PBX1: variants seen among roughly 807,000 people sequenced by gnomAD.
The protein encoded by PBX1 is PBX homeobox 1, also known as pre-B-cell leukemia transcription factor 1.
A neutral mutation model predicts 53.4 loss-of-function variants in PBX1; 6 were observed. The observed-to-expected ratio is 0.11, with a 90% CI of 0.06 to 0.22. The LOEUF (loss-of-function observed/expected upper bound fraction) is 0.22, where lower values mean the gene tolerates loss of function less well. PBX1 is among the 10% of genes least tolerant of loss of function. The pLI is 1.00. For missense variants in PBX1, 251 were observed against 551.4 expected (o/e 0.46, Z 5.46); for synonymous variants, 204 against 212.3 (o/e 0.96, Z 0.34).
At chr1:164,661,424 G>GTTT (rs60440122) in intron 2 of PBX1, among the ~76,000 whole-genome samples, 15 of 127,990 alleles carry the variant, frequency 1.2e-4, no homozygotes, top group Non-Finnish European at 9.8e-5. Flanking sequence ...CTGTAAGCCA[G>GTTT]TTTTTTTTTT....
chr1:164,779,850 T>C (rs1359320180), intron 2 of PBX1, among the ~76,000 whole-genome samples: 1 of 152,138 alleles, frequency 6.6e-6, no homozygotes, highest in Non-Finnish European at 1.5e-5. Flanking sequence ...AGAGCAGATA[T>C]CACATGGGTT....
At chr1:164,863,653 T>A (rs1435253790) in intron 2 of PBX1, among the ~76,000 whole-genome samples, 2 of 152,218 alleles carry the variant, frequency 1.3e-5, no homozygotes, top group African/African-American at 4.8e-5. Context: ...CCTCTCAGGC[T>A]ATAAACTGAC....
intron 2 of PBX1, among the ~76,000 whole-genome samples, chr1:164,747,919 T>A (rs1220552972): frequency 1.3e-5 from 2 of 152,114 alleles, no homozygotes; most frequent in Non-Finnish European, 1.5e-5. Context: ...CAACATTTTT[T>A]AATCCACCTC....
At chr1:164,701,446 T>C (rs2102049497) in intron 2 of PBX1, among the ~76,000 whole-genome samples, 1 of 152,306 alleles carries the variant, frequency 6.6e-6, no homozygotes, top group Middle Eastern at 3.4e-3. Flanking sequence ...AGCTCAGTAA[T>C]TCCAAGAATA....
intron 2 of PBX1, among the ~76,000 whole-genome samples, chr1:164,878,942 C>T (rs193191039): frequency 2.2e-4 from 34 of 152,270 alleles, no homozygotes; most frequent in Admixed American, 1.7e-3. Flanking sequence ...TTTCTGGAAG[C>T]ATAGGAGAAA....
chr1:164,647,339 G>A (rs1659515196), intron 2 of PBX1, among the ~76,000 whole-genome samples: 1 of 152,114 alleles, frequency 6.6e-6, no homozygotes. Flanking sequence ...GAAGAGCACG[G>A]CAGTCCGGAC....
At chr1:164,740,754 A>G in intron 2 of PBX1, among the ~76,000 whole-genome samples, 1 of 152,218 alleles carries the variant, frequency 6.6e-6, no homozygotes, top group East Asian at 1.9e-4. Context: ...CAGTTGGTGT[A>G]GAAGACAGAT....
At chr1:164,816,586 T>C (rs1037295824) in intron 6 of PBX1, 1 of 152,144 alleles carries the variant, frequency 6.6e-6, no homozygotes, top group African/African-American at 2.4e-5. Flanking sequence ...CCAGGGGACA[T>C]TTGGTACTAT....
chr1:164,574,221 T>G (rs947226549), intron 2 of PBX1, among the ~76,000 whole-genome samples: 3 of 152,214 alleles, frequency 2.0e-5, no homozygotes, highest in African/African-American at 4.8e-5. Context: ...TAGAATAGAC[T>G]GAGTGGGCCG....
chr1:164,569,196 C>A (rs991945442), intron 2 of PBX1, among the ~76,000 whole-genome samples: 1 of 152,192 alleles, frequency 6.6e-6, no homozygotes, highest in African/African-American at 2.4e-5. Flanking sequence ...AGGACCTGGT[C>A]TTTAAAGCCA....
intron 2 of PBX1, among the ~76,000 whole-genome samples, chr1:164,860,410 G>A (rs949317603): frequency 9.9e-5 from 15 of 152,058 alleles, no homozygotes; most frequent in African/African-American, 3.6e-4. Flanking sequence ...GAATTCTGAG[G>A]GGGCTTTATT....
intron 2 of PBX1, among the ~76,000 whole-genome samples, chr1:164,732,582 C>T (rs1019978956): frequency 1.3e-5 from 2 of 152,056 alleles, no homozygotes; most frequent in Non-Finnish European, 1.5e-5. Context: ...TAATTGAGGT[C>T]TTTCCATTAC....
In PBX1 at chr1:164,686,947, A is replaced by G. The variant is rs564781838; in HGVS notation, c.266-105547A>G. ...ACTCCAGCCTGGGCGACAGAGCGAG[A>G]CTGCATCCCAAAAAAAAAACCAAAA... On this transcript the variant is annotated intron_variant, in intron 2 of 8. Coordinates refer to ENST00000420696, the MANE Select transcript of PBX1 (RefSeq NM_002585.4). 2.6e-5 allele frequency among the ~76,000 whole-genome samples: 4 copies of G among 151,548 alleles called. No homozygotes were observed. In the South Asian group the frequency reaches 8.3e-4, roughly 32 times the overall value.
At chr1:164,664,709 T>C (rs1444957721) in intron 2 of PBX1, among the ~76,000 whole-genome samples, 1 of 152,180 alleles carries the variant, frequency 6.6e-6, no homozygotes, top group Admixed American at 6.5e-5. Flanking sequence ...TCCACATGGC[T>C]GGGGAGGCCT....
chr1:164,689,989 T>G (rs570463714), intron 2 of PBX1, among the ~76,000 whole-genome samples: 5 of 152,348 alleles, frequency 3.3e-5, no homozygotes, highest in Non-Finnish European at 5.9e-5. Flanking sequence ...CCTTGATTAC[T>G]TCTACTGCTG....
intron 2 of PBX1, among the ~76,000 whole-genome samples, chr1:164,620,133 G>T (rs1657572064): frequency 6.6e-6 from 1 of 152,156 alleles, no homozygotes; most frequent in Non-Finnish European, 1.5e-5. Flanking sequence ...GGTCAAGGCT[G>T]CAGTGAGCCA....
At chr1:164,599,339 G>A (rs767347517) in intron 2 of PBX1, among the ~76,000 whole-genome samples, 10 of 151,828 alleles carry the variant, frequency 6.6e-5, no homozygotes, top group Admixed American at 3.9e-4. Flanking sequence ...CCTTCCAGTC[G>A]TCTTCTACTG....
chr1:164,801,717 T>C (rs1669083880), intron 4 of PBX1, among the ~76,000 whole-genome samples: 1 of 152,232 alleles, frequency 6.6e-6, no homozygotes, highest in South Asian at 2.1e-4. Flanking sequence ...TTTCTTGCTT[T>C]GGTTACAACA....
intron 2 of PBX1, among the ~76,000 whole-genome samples, chr1:164,775,228 CT>C (rs1667585819): frequency 6.6e-6 from 1 of 152,132 alleles, no homozygotes; most frequent in African/African-American, 2.4e-5. Flanking sequence ...TTTTAAGAGT[CT>C]GAGACTTTTG....
Sources: allele counts gnomAD v4.1 joint callset (sites outside exome capture counted in the v4.1 genomes callset), GRCh38; gene constraint gnomAD v4.1.1; transcripts MANE v1.5; gene names NCBI Gene and HGNC (gene_info 2026-07-23, HGNC 2026-07-21).